VDR: variants seen among roughly 807,000 people sequenced by gnomAD.
VDR encodes vitamin D3 receptor.
A neutral mutation model predicts 39.7 loss-of-function variants in VDR; 19 were observed. The ratio of observed to expected loss-of-function variants is 0.48; its 90% CI spans 0.33 to 0.70. VDR has a LOEUF of 0.70. VDR is among the 30% of genes least tolerant of loss of function. The pLI is 0.02. For missense variants in VDR, 442 were observed against 570.5 expected, an observed-to-expected ratio of 0.77 and a Z score of 2.29; for synonymous variants, 242 against 215.8, an observed-to-expected ratio of 1.12 and a Z score of -1.07.
Position 47,860,209 on chromosome 12 carries a change from G to T in VDR, c.278-2521C>A, listed in dbSNP as rs967075822. On this transcript the variant is annotated intron_variant, in intron 4 of 9. Transcript: ENST00000549336. ...TCAAACTCCTGACCTCAGGTGATCTGCCCGCCTTGGCCTCCCAAAGTGCTG... is the reference window on the plus strand; with the variant it reads ...TCAAACTCCTGACCTCAGGTGATCTTCCCGCCTTGGCCTCCCAAAGTGCTG... Among the ~76,000 whole-genome samples, 3 of 152,006 alleles carry T rather than the reference G, an allele frequency of 2.0e-5. No homozygotes were observed. In the East Asian group the frequency reaches 5.8e-4, roughly 29 times the overall value.
chr12:47,851,368 G>A (rs1945384382), intron 7 of VDR, among the ~76,000 whole-genome samples: 1 of 152,070 alleles, frequency 6.6e-6, no homozygotes, highest in East Asian at 1.9e-4. Flanking sequence ...GAGATGGGAG[G>A]AGAGAGCAGG....
intron 9 of VDR, 27 bp from the exon 10 acceptor site, chr12:47,845,032 G>A: frequency 1.2e-6 from 2 of 1,606,984 alleles, no homozygotes; most frequent in Non-Finnish European, 8.5e-7. Flanking sequence ...AGAGAAGAAG[G>A]CACAGGAGCT....
chr12:47,874,811 C>T (rs564468019), intron 3 of VDR, among the ~76,000 whole-genome samples: 3 of 152,276 alleles, frequency 2.0e-5, no homozygotes, highest in South Asian at 2.1e-4. Flanking sequence ...AGACTCCGGA[C>T]GAAGCCATCC....
At chr12:47,861,638 C>T (rs1592112573) in intron 4 of VDR, among the ~76,000 whole-genome samples, 1 of 152,112 alleles carries the variant, frequency 6.6e-6, no homozygotes, top group African/African-American at 2.4e-5. Flanking sequence ...TAAGAGTAAA[C>T]AGGTTCTGAA....
Position 47,859,918 on chromosome 12 carries a change from T to TTCCTTCC in VDR, c.278-2231_278-2230insGGAAGGA, listed in dbSNP as rs1565615386. Among the ~76,000 whole-genome samples the TTCCTTCC allele has an allele frequency of 1.6e-3, 64 of 39,884 alleles. 3 individuals are homozygous for TTCCTTCC. The highest frequency in any genetic ancestry group is 4.7e-3 in the South Asian group (5 of 1,074). 26.2% of individuals were successfully genotyped at this position (39,884 alleles called of 152,430 possible). A position where few individuals can be genotyped will look rare whatever the true frequency, so the allele number is the denominator to read the frequency against. On this transcript the variant is annotated intron_variant, in intron 4 of 9. Coordinates refer to ENST00000549336, the MANE Select transcript of VDR (RefSeq NM_000376.3). Reference sequence around the variant, plus strand: ...CCTTCCTTCCTTCCTTCCTTCCTTCTTTCTTTTTCTTTCTTTCTTTCTTTC... The same window carrying TTCCTTCC: ...CCTTCCTTCCTTCCTTCCTTCCTTCTTCCTTCCTTCTTTTTCTTTCTTTCTTTCTTTC...
chr12:47,893,131 A>T (rs1346760977), intron 1 of VDR, among the ~76,000 whole-genome samples: 1 of 152,222 alleles, frequency 6.6e-6, no homozygotes, highest in Non-Finnish European at 1.5e-5. Context: ...TCTTCAAGTT[A>T]AACCCAGTGA....
chr12:47,869,535 C>CAAAAA (rs33940574), intron 3 of VDR, among the ~76,000 whole-genome samples: 2 of 68,966 alleles, frequency 2.9e-5, no homozygotes, highest in Non-Finnish European at 2.5e-5. Context: ...GACTCCATCT[C>CAAAAA]AAAAAAAAAA....
chr12:47,862,112 A>T (rs1004889595), intron 4 of VDR, among the ~76,000 whole-genome samples: 1 of 152,266 alleles, frequency 6.6e-6, no homozygotes, highest in Non-Finnish European at 1.5e-5. Context: ...AAAAACATCA[A>T]ACAAGTTACC....
intron 1 of VDR, chr12:47,904,655 G>T: frequency 1.3e-6 from 2 of 1,533,146 alleles, no homozygotes; most frequent in Non-Finnish European, 1.7e-6. Context: ...ACAGAAGAAG[G>T]AAACAAATAC....
At chr12:47,887,133 G>A (rs889359520) in intron 1 of VDR, among the ~76,000 whole-genome samples, 6 of 151,918 alleles carry the variant, frequency 3.9e-5, no homozygotes, top group East Asian at 1.9e-4. Context: ...CTAACATGGC[G>A]AAACCCTGTC....
Position 47,880,069 on chromosome 12 carries a change from C to CA in VDR, c.-2-955dup, listed in dbSNP as rs151223393. Reference sequence around the variant, plus strand: ...GCTCAGAGATGATTCTGGGATACCTCAGACTGCCCTGAAATGCTTTCAGAC... The same window carrying CA: ...GCTCAGAGATGATTCTGGGATACCTCAAGACTGCCCTGAAATGCTTTCAGAC... On this transcript the variant is annotated intron_variant, in intron 2 of 9. Coordinates refer to ENST00000549336, the MANE Select transcript of VDR (RefSeq NM_000376.3). Among the ~76,000 whole-genome samples, 1,183 of 152,224 alleles carry CA rather than the reference C, an allele frequency of 7.8e-3. 29 individuals carry two copies. Among genetic ancestry groups the CA allele is most frequent in the African/African-American group, 0.028 (1,145 of 41,516 alleles).
chr12:47,864,797 G>C (rs961165410), intron 4 of VDR, among the ~76,000 whole-genome samples: 2 of 152,198 alleles, frequency 1.3e-5, no homozygotes, highest in South Asian at 4.1e-4. Flanking sequence ...ACTCTGGAGG[G>C]ACCCTTCCAG....
intron 3 of VDR, among the ~76,000 whole-genome samples, chr12:47,871,314 C>CTT (rs1214328866): frequency 7.3e-6 from 1 of 137,906 alleles, no homozygotes. Flanking sequence ...TTCTTTCTTT[C>CTT]TTTCTTTCTT....
chr12:47,854,269 G>A, intron 7 of VDR, among the ~76,000 whole-genome samples: 1 of 151,980 alleles, frequency 6.6e-6, no homozygotes, highest in Non-Finnish European at 1.5e-5. Context: ...CTACAGGCAT[G>A]TGCAACCACA....
At chr12:47,878,162 C>T (rs1192475899) in intron 3 of VDR, among the ~76,000 whole-genome samples, 1 of 152,248 alleles carries the variant, frequency 6.6e-6, no homozygotes, top group Non-Finnish European at 1.5e-5. Flanking sequence ...CACCTCCAGT[C>T]TAGACCGCTA....
At chr12:47,852,799 A>G (rs565913946) in intron 7 of VDR, among the ~76,000 whole-genome samples, 1 of 152,124 alleles carries the variant, frequency 6.6e-6, no homozygotes, top group Admixed American at 6.5e-5. Flanking sequence ...GCAATAACTC[A>G]TGGCTTTTCT....
intron 1 of VDR, among the ~76,000 whole-genome samples, chr12:47,895,570 A>T (rs888236807): frequency 1.3e-5 from 2 of 152,208 alleles, no homozygotes; most frequent in African/African-American, 4.8e-5. Context: ...CTACAGGAAC[A>T]GGGTTTTTCC....
At chr12:47,846,845 T>C (rs1484571186) in intron 7 of VDR, 37 bp from the exon 8 acceptor site, 1 of 1,613,020 alleles carries the variant, frequency 6.2e-7, no homozygotes, top group African/African-American at 1.3e-5. Context: ...AGGTTACCAG[T>C]AAACGCCTTC....
At chr12:47,882,623 GCCCC>G in intron 2 of VDR, 67 bp downstream of exon 2, 1 of 543,280 alleles carries the variant, frequency 1.8e-6, no homozygotes, top group Non-Finnish European at 3.2e-6. Flanking sequence ...ACCTTCTTAT[GCCCC>G]TCCCCCCCAC....
Sources: gnomAD v4.1 joint callset for allele counts (sites outside exome capture counted in the v4.1 genomes callset) on GRCh38, gnomAD v4.1.1 for gene constraint, MANE v1.5 for transcripts, NCBI Gene and HGNC (gene_info 2026-07-23, HGNC 2026-07-21) for gene names.